FAM178B: variants seen among roughly 807,000 people sequenced by gnomAD.
FAM178B encodes the protein protein FAM178B.
FAM178B carries 82 observed loss-of-function variants against 91.7 expected under a neutral mutation model. The observed-to-expected ratio is 0.89, with a 90% CI of 0.75 to 1.07. FAM178B has a LOEUF of 1.07. Ranked by LOEUF, FAM178B falls within the 50% of genes least tolerant of loss-of-function variation. The probability of loss-of-function intolerance (pLI) is 0.00; values close to 1 mark genes in which losing one functional copy is unlikely to be tolerated. For synonymous variants in FAM178B, 368 were observed against 359.4 expected (o/e 1.02, Z -0.27); for missense variants, 769 against 846.7 (o/e 0.91, Z 1.14).
chr2:96,905,796 A>C (rs1424922220), intron 12 of FAM178B, among the ~76,000 whole-genome samples: 3 of 138,002 alleles, frequency 2.2e-5, no homozygotes, highest in Non-Finnish European at 4.6e-5. Flanking sequence ...ATATATATAC[A>C]CAAAAATATA....
rs1217221050 is a variant in FAM178B at position 96,893,989 on chromosome 2, G to A, written c.1713C>T (p.Asp571=). The part of the protein sequence containing the change: ...MRPSSLRQYL[D]SVPLPPCQEQ... Reference sequence around the variant, plus strand: ...CCTGGCAGGGTGGCAAGGGCACAGAGTCCAGGTATTGCCTGAGAGATGATG... The same window carrying A: ...CCTGGCAGGGTGGCAAGGGCACAGAATCCAGGTATTGCCTGAGAGATGATG... The change falls in exon 14 of 17, where the codon GAC becomes GAT. Residue 571 remains aspartate, a synonymous_variant. Transcript: ENST00000490605. 1 of 1,612,948 alleles carries A rather than the reference G, an allele frequency of 6.2e-7. No homozygotes were observed.
intron 7 of FAM178B, among the ~76,000 whole-genome samples, chr2:96,949,194 G>A (rs1020810013): frequency 1.3e-4 from 20 of 152,182 alleles, no homozygotes; most frequent in Non-Finnish European, 2.6e-4. Flanking sequence ...AGGAGTACAC[G>A]GGATCGAGTC....
At chr2:96,892,229 G>A (rs116129065) in intron 14 of FAM178B, among the ~76,000 whole-genome samples, 2,047 of 152,318 alleles carry the variant, frequency 0.013, 55 homozygotes, top group African/African-American at 0.046. Flanking sequence ...CAGCCCAGGG[G>A]CCTGTTTCAC....
intron 14 of FAM178B, among the ~76,000 whole-genome samples, chr2:96,880,620 A>C (rs1346842728): frequency 6.6e-6 from 1 of 151,206 alleles, no homozygotes; most frequent in Non-Finnish European, 1.5e-5. Flanking sequence ...TTTGAGACGG[A>C]GTCTCGCTCT....
intron 8 of FAM178B, among the ~76,000 whole-genome samples, chr2:96,942,840 C>A (rs1209544761): frequency 6.6e-6 from 1 of 152,130 alleles, no homozygotes; most frequent in Non-Finnish European, 1.5e-5. Context: ...CAAAAATAAA[C>A]CCTTACATTT....
At position 96,909,009 on chromosome 2, in the gene FAM178B, G is replaced by T. The variant is rs891451231; in HGVS notation, c.1563-6302C>A. Among the ~76,000 whole-genome samples, 5 of 152,086 alleles carry T rather than the reference G, an allele frequency of 3.3e-5. No homozygotes were observed. In the East Asian group the frequency reaches 7.7e-4, roughly 24 times the overall value. On this transcript the variant is annotated intron_variant, in intron 12 of 16. Coordinates refer to ENST00000490605, the MANE Select transcript of FAM178B (RefSeq NM_001122646.3). ...AATACAAAAATTAGCCGGGTGTGGTGACAGGTACCTGTAATGCCTGCTACT... is the reference window on the plus strand; with the variant it reads ...AATACAAAAATTAGCCGGGTGTGGTTACAGGTACCTGTAATGCCTGCTACT...
At chr2:96,938,998 T>C (rs1328944025) in intron 8 of FAM178B, 1 of 151,294 alleles carries the variant, frequency 6.6e-6, no homozygotes. Context: ...AGGTCAGGAG[T>C]TGGAGACCAG....
intron 6 of FAM178B, 142 bp from the exon 7 acceptor site, chr2:96,951,626 A>G (rs2081929752): frequency 1.5e-6 from 1 of 659,416 alleles, no homozygotes; most frequent in African/African-American, 1.8e-5. Context: ...GTGCTTTTCA[A>G]GCCCTCAGTG....
chr2:96,928,088 C>T (rs2081475920), intron 9 of FAM178B, among the ~76,000 whole-genome samples: 1 of 152,142 alleles, frequency 6.6e-6, no homozygotes, highest in African/African-American at 2.4e-5. Flanking sequence ...CAGACAATTG[C>T]TAAACACAGT....
At chr2:96,916,957 G>A (rs996735949) in intron 12 of FAM178B, among the ~76,000 whole-genome samples, 1 of 152,186 alleles carries the variant, frequency 6.6e-6, no homozygotes, top group South Asian at 2.1e-4. Context: ...TGTGGCCGCC[G>A]CGGGAAGCAC....
chr2:96,974,313 C>T (rs1245071373), intron 1 of FAM178B, among the ~76,000 whole-genome samples: 16 of 131,538 alleles, frequency 1.2e-4, no homozygotes, highest in Non-Finnish European at 6.2e-5. Context: ...ACCCAAGAGG[C>T]GGAGGTTGCA....
intron 13 of FAM178B, among the ~76,000 whole-genome samples, chr2:96,895,462 T>TGGAGGGAATGTAGAG (rs2080803284): frequency 6.6e-6 from 1 of 152,242 alleles, no homozygotes; most frequent in Non-Finnish European, 1.5e-5. Flanking sequence ...TGAACCCCTC[T>TGGAGGGAATGTAGAG]GGAGGGAATG....
chr2:96,983,710 C>T (rs1240985589), intron 1 of FAM178B, among the ~76,000 whole-genome samples: 1 of 152,168 alleles, frequency 6.6e-6, no homozygotes, highest in East Asian at 1.9e-4. Context: ...AGGCGTGAGC[C>T]ACTGCATCCA....
intron 5 of FAM178B, among the ~76,000 whole-genome samples, chr2:96,961,072 C>CCAGGAT (rs2082074099): frequency 6.6e-6 from 1 of 152,036 alleles, no homozygotes; most frequent in Non-Finnish European, 1.5e-5. Context: ...CCGGTCCGGC[C>CCAGGAT]CAGAGAGTCT....
chr2:96,952,964 G>C (rs1212493058), intron 6 of FAM178B, among the ~76,000 whole-genome samples: 1 of 151,946 alleles, frequency 6.6e-6, no homozygotes, highest in Non-Finnish European at 1.5e-5. Flanking sequence ...CTTTAAAAAG[G>C]ACATCATTTT....
chr2:96,876,182 T>C lies in FAM178B; in HGVS notation c.*94A>G. 1 of 1,340,390 alleles carries C rather than the reference T, an allele frequency of 7.5e-7. No homozygotes were observed. Among genetic ancestry groups the C allele is most frequent in the African/African-American group, 1.5e-5 (1 of 68,950 alleles). 83.0% of individuals were successfully genotyped at this position (1,340,390 alleles called of 1,614,324 possible). ...TCATCAGGCTGGTCAGCATGTGGCC[T>C]CCTCTGGCCTTGATGCTTCGCTTCC... On this transcript the variant is annotated 3_prime_UTR_variant, in exon 17 of 17. Transcript: ENST00000490605.
chr2:96,951,017 T>G (rs2081917127), intron 7 of FAM178B, among the ~76,000 whole-genome samples: 1 of 152,100 alleles, frequency 6.6e-6, no homozygotes, highest in Admixed American at 6.5e-5. Flanking sequence ...GTTGAGGGGC[T>G]TGGACCGATT....
chr2:96,906,692 C>A (rs1019753153), intron 12 of FAM178B, among the ~76,000 whole-genome samples: 4 of 152,334 alleles, frequency 2.6e-5, no homozygotes, highest in Admixed American at 1.3e-4. Context: ...TGCAGGCCAC[C>A]CCGTGGCCCC....
At chr2:96,883,979 C>T (rs544211354) in intron 14 of FAM178B, among the ~76,000 whole-genome samples, 35 of 152,336 alleles carry the variant, frequency 2.3e-4, no homozygotes, top group Admixed American at 1.6e-3. Context: ...TGTAAGCACA[C>T]GGACTGAAGA....
Sources: allele counts gnomAD v4.1 joint callset (sites outside exome capture counted in the v4.1 genomes callset), GRCh38; gene constraint gnomAD v4.1.1; transcripts MANE v1.5; gene names NCBI Gene and HGNC (gene_info 2026-07-23, HGNC 2026-07-21).